GALNT13: variants seen among roughly 807,000 people sequenced by gnomAD.
The protein encoded by GALNT13 is UDP-GalNAc:polypeptide N-acetylgalactosaminyltransferase 13.
In GALNT13, 28 loss-of-function variants were observed where a neutral mutation model predicts 64.2. The observed-to-expected ratio is 0.44, with a 90% confidence interval of 0.32 to 0.60. The LOEUF is 0.60. Ranked by LOEUF, GALNT13 falls within the 20% of genes least tolerant of loss-of-function variation. The pLI is 0.05. For synonymous variants in GALNT13, 214 were observed against 224.6 expected (o/e 0.95, Z 0.42); for missense variants, 577 against 669.8 (o/e 0.86, Z 1.53).
chr2:153,972,591 C>CA, intron 3 of GALNT13, among the ~76,000 whole-genome samples: 1 of 152,006 alleles, frequency 6.6e-6, no homozygotes, highest in East Asian at 1.9e-4. Flanking sequence ...CTTCTAATGA[C>CA]AAAAATGCTA....
chr2:154,140,267 C>A, intron 3 of GALNT13, 70 bp from the exon 4 acceptor site: 2 of 1,156,590 alleles, frequency 1.7e-6, no homozygotes, highest in Admixed American at 2.2e-5. Flanking sequence ...TAATCAGACA[C>A]ACAAGTTTAT....
chr2:154,237,844 A>G (rs1370950326), intron 4 of GALNT13, among the ~76,000 whole-genome samples: 2 of 151,904 alleles, frequency 1.3e-5, no homozygotes, highest in Non-Finnish European at 2.9e-5. Flanking sequence ...TTATTGTTCA[A>G]TATTAGAACA....
At chr2:153,345,689 T>TTCTTTCTTTCTTTCTTTCTTTCTTTC in the GALNT13 span, among the ~76,000 whole-genome samples, 1 of 137,614 alleles carries the variant, frequency 7.3e-6, no homozygotes, top group Admixed American at 7.7e-5. Flanking sequence ...CTTTCTTTCT[T>TTCTTTCTTTCTTTCTTTCTTTCTTTC]TCTTTCTTTC....
intron 8 of GALNT13, among the ~76,000 whole-genome samples, chr2:154,299,406 T>C (rs1693286398): frequency 1.3e-5 from 2 of 151,652 alleles, no homozygotes; most frequent in Non-Finnish European, 2.9e-5. Flanking sequence ...AGAAGGTTCA[T>C]ATATTTCATG....
At chr2:153,179,822 T>C in the GALNT13 span, among the ~76,000 whole-genome samples, 1 of 152,136 alleles carries the variant, frequency 6.6e-6, no homozygotes, top group Non-Finnish European at 1.5e-5. Flanking sequence ...TCTTGATTTG[T>C]TTTTCAAGAA....
chr2:153,500,893 A>G, the GALNT13 span, among the ~76,000 whole-genome samples: 3 of 152,286 alleles, frequency 2.0e-5, no homozygotes, highest in East Asian at 5.8e-4. Flanking sequence ...AAATTTAGAA[A>G]TCTCATACAA....
chr2:153,743,369 C>T, the GALNT13 span, among the ~76,000 whole-genome samples: 5 of 152,074 alleles, frequency 3.3e-5, no homozygotes, highest in African/African-American at 1.2e-4. Context: ...GAAGTGCAGA[C>T]ATCTCTTTGG....
chr2:153,476,462 C>A, the GALNT13 span, among the ~76,000 whole-genome samples: 1 of 152,094 alleles, frequency 6.6e-6, no homozygotes, highest in African/African-American at 2.4e-5. Context: ...TGCTCAAAAC[C>A]TTTTGTCAAG....
intron 9 of GALNT13, among the ~76,000 whole-genome samples, chr2:154,366,998 G>A (rs1306919302): frequency 6.6e-6 from 1 of 151,970 alleles, no homozygotes; most frequent in African/African-American, 2.4e-5. Context: ...AGACCAGGTT[G>A]GACACTGTGA....
intron 3 of GALNT13, among the ~76,000 whole-genome samples, chr2:153,977,784 A>G (rs1249921371): frequency 6.6e-6 from 1 of 152,178 alleles, no homozygotes; most frequent in African/African-American, 2.4e-5. Context: ...TCATATGACC[A>G]TTCAAATTTT....
intron 3 of GALNT13, among the ~76,000 whole-genome samples, chr2:153,975,844 A>C (rs1212594954): frequency 6.6e-6 from 1 of 152,122 alleles, no homozygotes; most frequent in African/African-American, 2.4e-5. Flanking sequence ...ACACAAAAAA[A>C]CGGTAACTGT....
chr2:153,987,807 G>T (rs544373412), intron 3 of GALNT13, among the ~76,000 whole-genome samples: 1 of 151,656 alleles, frequency 6.6e-6, no homozygotes, highest in South Asian at 2.1e-4. Context: ...TGCAGAGAAG[G>T]ATGCTATGAA....
the GALNT13 span, among the ~76,000 whole-genome samples, chr2:153,720,511 C>G: frequency 2.6e-4 from 40 of 151,162 alleles, 1 homozygote; most frequent in East Asian, 2.5e-3. Context: ...TCAAATTACT[C>G]TGAGCTACGG....
Position 153,926,824 on chromosome 2 carries a change from T to A in GALNT13, c.-104-17570T>A, listed in dbSNP as rs188592044. 1.8e-3 allele frequency among the ~76,000 whole-genome samples: 271 copies of A among 152,260 alleles called. 2 individuals are homozygous for A. The highest frequency in any genetic ancestry group is 6.8e-3 in the Middle Eastern group (2 of 294). ...TCACTATTATTGGTGATTTTCTTAT[T>A]ACTTTAAAATAAAACATATATCTTC... On this transcript the variant is annotated intron_variant, in intron 2 of 12. Coordinates refer to ENST00000392825, the MANE Select transcript of GALNT13 (RefSeq NM_052917.4).
chr2:153,211,557 A>T, the GALNT13 span, among the ~76,000 whole-genome samples: 1 of 152,180 alleles, frequency 6.6e-6, no homozygotes, highest in African/African-American at 2.4e-5. Context: ...TTTTCATGAG[A>T]CGGGAACAGT....
chr2:153,991,765 G>A (rs549164091), intron 3 of GALNT13, among the ~76,000 whole-genome samples: 40 of 152,222 alleles, frequency 2.6e-4, no homozygotes, highest in African/African-American at 8.7e-4. Context: ...TACTGGTTGT[G>A]TCACCATCAA....
the GALNT13 span, among the ~76,000 whole-genome samples, chr2:153,432,512 C>G: frequency 6.6e-6 from 1 of 152,126 alleles, no homozygotes; most frequent in East Asian, 1.9e-4. Flanking sequence ...GAAATAAATT[C>G]ATTTCTTCAA....
At chr2:153,641,585 T>C in the GALNT13 span, among the ~76,000 whole-genome samples, 13 of 152,240 alleles carry the variant, frequency 8.5e-5, no homozygotes, top group East Asian at 2.5e-3. Context: ...TGCTCCATGT[T>C]TACTTGTAAG....
chr2:153,583,483 G>A, the GALNT13 span, among the ~76,000 whole-genome samples: 1 of 152,180 alleles, frequency 6.6e-6, no homozygotes, highest in Non-Finnish European at 1.5e-5. Context: ...AATCTAGGAA[G>A]AAGAAAGAAA....
Sources: allele counts gnomAD v4.1 joint callset (sites outside exome capture counted in the v4.1 genomes callset), GRCh38; gene constraint gnomAD v4.1.1; transcripts MANE v1.5; gene names NCBI Gene and HGNC (gene_info 2026-07-23, HGNC 2026-07-21).